SLC12A3: variants seen among roughly 807,000 people sequenced by gnomAD.
SLC12A3 encodes the protein Na-Cl cotransporter.
SLC12A3 carries 104 observed loss-of-function variants against 121.0 expected under a neutral mutation model. The ratio of observed to expected loss-of-function variants is 0.86; its 90% CI spans 0.73 to 1.01. SLC12A3 has a LOEUF of 1.01. SLC12A3 is among the 50% of genes least tolerant of loss of function. SLC12A3 has a pLI of 0.00. For synonymous variants in SLC12A3, 536 were observed against 533.4 expected, an observed-to-expected ratio of 1.00 and a Z score of -0.07; for missense variants, 1,328 against 1,356.3, an observed-to-expected ratio of 0.98 and a Z score of 0.33.
intron 18 of SLC12A3, among the ~76,000 whole-genome samples, chr16:56,889,056 A>T (rs546503953): frequency 1.3e-5 from 2 of 152,272 alleles, no homozygotes; most frequent in East Asian, 3.9e-4. Flanking sequence ...ACTCTTCATC[A>T]GTGCTTGCTG....
intron 8 of SLC12A3, among the ~76,000 whole-genome samples, chr16:56,875,765 G>T (rs2055157081): frequency 7.0e-6 from 1 of 143,412 alleles, no homozygotes; most frequent in African/African-American, 2.5e-5. Flanking sequence ...GGGCTGAGAT[G>T]TGGACCTGGA....
chr16:56,880,244 A>G lies in SLC12A3; in HGVS notation c.1558A>G (p.Ile520Val), dbSNP rs777531838. ...GGCCTACGCCATCGCTGTGGCCTTCATCATCATCGGTAAGGCTCTGCCAGG... is the reference window on the plus strand; with the variant it reads ...GGCCTACGCCATCGCTGTGGCCTTCGTCATCATCGGTAAGGCTCTGCCAGG... ...LLAYAIAVAF[I>V]IIAELNTIAP... Residue 520 changes from isoleucine to valine, a missense_variant, in exon 12 of 26, where the codon ATC (isoleucine) becomes GTC (valine). Transcript: ENST00000563236. The G allele has an allele frequency of 1.9e-6, 3 of 1,581,074 alleles. No individual in the cohort carries two copies. Among genetic ancestry groups the G allele is most frequent in the Non-Finnish European group, 2.6e-6 (3 of 1,162,992 alleles).
intron 24 of SLC12A3, among the ~76,000 whole-genome samples, chr16:56,903,832 G>A (rs1389292515): frequency 6.6e-6 from 1 of 152,176 alleles, no homozygotes; most frequent in Non-Finnish European, 1.5e-5. Context: ...CAGCCATCTG[G>A]CTCTTTGGAA....
chr16:56,873,804 C>T (rs540559884), intron 8 of SLC12A3, among the ~76,000 whole-genome samples: 194 of 151,916 alleles, frequency 1.3e-3, no homozygotes, highest in Non-Finnish European at 2.4e-3. Context: ...CTCCGCCTCC[C>T]GGGTTCAAGT....
intron 3 of SLC12A3, among the ~76,000 whole-genome samples, chr16:56,869,210 T>G (rs1399140887): frequency 6.6e-6 from 1 of 152,158 alleles, no homozygotes; most frequent in African/African-American, 2.4e-5. Flanking sequence ...CACGGAGTGG[T>G]AACTGCTACT....
At chr16:56,890,636 C>G (rs757918934) in intron 19 of SLC12A3, among the ~76,000 whole-genome samples, 1 of 152,162 alleles carries the variant, frequency 6.6e-6, no homozygotes, top group South Asian at 2.1e-4. Context: ...TGGTGGCTCA[C>G]GCCTGTAATC....
chr16:56,913,376 G>A lies in SLC12A3; in HGVS notation c.3037G>A (p.Glu1013Lys), dbSNP rs2055712636. The A allele has an allele frequency of 6.2e-7, 1 of 1,614,198 alleles. No homozygotes were observed. The highest frequency in any genetic ancestry group is 1.7e-5 in the Admixed American group (1 of 60,030). The stretch of plus-strand genomic sequence containing the variant: ...AGTCATCCTGATCCGAGGAAACCAG[G>A]AAAACGTGCTCACCTTTTACTGCCA... ...PPVILIRGNQENVLTFYCQ is the reference protein window; with the variant it reads ...PPVILIRGNQKNVLTFYCQ The change falls in exon 26 of 26, where the codon GAA becomes AAA. Residue 1013 changes from glutamate (E) to lysine (K), a missense_variant. Glu to Lys is a moderately conservative substitution (Grantham distance 56). Transcript: ENST00000563236.
chr16:56,870,517 A>G lies in SLC12A3; in HGVS notation c.742-109A>G, dbSNP rs1596892031. The G allele has an allele frequency of 2.5e-5, 21 of 827,888 alleles. No individual in the cohort carries two copies. In the South Asian group the frequency reaches 2.8e-4, roughly 11 times the overall value. The allele number at this position is 827,888 out of a possible 1,614,324, so 51.3% of individuals were successfully genotyped here. On this transcript the variant is annotated intron_variant, in intron 5 of 25. Transcript: ENST00000563236. The stretch of plus-strand genomic sequence containing the variant: ...TGGCAGGGGTGGTGCTTGAGTTAAC[A>G]TCGTCCTAGCAGAGTGCACCGCACA...
chr16:56,872,634 T>G, intron 7 of SLC12A3, 22 bp from the exon 8 acceptor site: 1 of 1,614,224 alleles, frequency 6.2e-7, no homozygotes, highest in Non-Finnish European at 8.5e-7. Context: ...TGAGCCTTAC[T>G]CATCAGGCCT....
chr16:56,893,536 G>A (rs1309654520), intron 21 of SLC12A3, among the ~76,000 whole-genome samples: 1 of 152,172 alleles, frequency 6.6e-6, no homozygotes, highest in Non-Finnish European at 1.5e-5. Context: ...CTGGCTGACA[G>A]GGAATTCCCT....
intron 8 of SLC12A3, 143 bp downstream of exon 8, chr16:56,872,929 C>G (rs1056536308): frequency 8.8e-6 from 9 of 1,023,734 alleles, no homozygotes; most frequent in Non-Finnish European, 1.3e-5. Flanking sequence ...CAGCTCAGTT[C>G]AACCCAATCC....
At chr16:56,883,240 C>T (rs2055264179) in intron 13 of SLC12A3, among the ~76,000 whole-genome samples, 1 of 150,782 alleles carries the variant, frequency 6.6e-6, no homozygotes, top group South Asian at 2.1e-4. Context: ...AAACTTCTGG[C>T]AGATGGCAAT....
At chr16:56,905,621 A>G (rs28651544) in intron 25 of SLC12A3, among the ~76,000 whole-genome samples, 5,419 of 152,198 alleles carry the variant, frequency 0.036, 345 homozygotes, top group African/African-American at 0.12. Flanking sequence ...AGCCAGGACC[A>G]ACTACACAAT....
intron 17 of SLC12A3, 26 bp from the exon 18 acceptor site, chr16:56,887,899 C>A (rs2055339934): frequency 1.9e-6 from 3 of 1,584,200 alleles, no homozygotes; most frequent in Non-Finnish European, 2.6e-6. Context: ...TGATGGGTTC[C>A]CCATCTCACC....
Position 56,886,394 on chromosome 16 carries a change from C to A in SLC12A3, c.1956C>A (p.Pro652=), listed in dbSNP as rs200091201. 173 of 1,614,018 alleles carry A rather than the reference C, an allele frequency of 1.1e-4. No homozygotes were observed. The highest frequency in any genetic ancestry group is 1.4e-4 in the Non-Finnish European group (171 of 1,180,048). ...AGTGCCTGGTGCTCACGGGGCCCCC[C>A]AACTTCCGCCCGGCCCTGGTGGACT... ...RPQCLVLTGP[P]NFRPALVDFV... is the part of the protein sequence containing the mutation. Residue 652 remains proline (P), a synonymous_variant, in exon 16 of 26, where the codon CCC becomes CCA. Coordinates refer to ENST00000563236, the MANE Select transcript of SLC12A3 (RefSeq NM_001126108.2).
intron 18 of SLC12A3, among the ~76,000 whole-genome samples, chr16:56,888,549 ATTTTTTTTT>A (rs749206626): frequency 5.1e-4 from 44 of 85,920 alleles, no homozygotes; most frequent in African/African-American, 1.1e-3. Context: ...AGATCTTTTA[ATTTTTTTTT>A]TTTTTTTTTT....
rs2055181436 is a variant in SLC12A3, at chr16:56,877,738, C to T, written c.1096-339C>T. Among the ~76,000 whole-genome samples, 5 of 152,236 alleles carry T rather than the reference C, an allele frequency of 3.3e-5. No homozygotes were observed. The South Asian group carries it at 1.0e-3, about 31-fold the overall frequency. ...CACCACCCTGCCCCCACCCTTACCA[C>T]CCTCACAGCAAACCCTGGCCAAGTG... On this transcript the variant is annotated intron_variant, in intron 8 of 25. Coordinates refer to ENST00000563236, the MANE Select transcript of SLC12A3 (RefSeq NM_001126108.2).
chr16:56,866,741 G>T (rs767816029), intron 1 of SLC12A3, among the ~76,000 whole-genome samples: 6 of 152,156 alleles, frequency 3.9e-5, no homozygotes, highest in Non-Finnish European at 8.8e-5. Flanking sequence ...TGAGTAGCTG[G>T]GACCACAGGT....
intron 21 of SLC12A3, 45 bp from the exon 22 acceptor site, chr16:56,894,486 C>A (rs778070375): frequency 7.2e-7 from 1 of 1,389,508 alleles, no homozygotes; most frequent in Non-Finnish European, 1.0e-6. Flanking sequence ...AGTGCTCTGT[C>A]CTGAGTGTAT....
Sources: gnomAD v4.1 joint callset for allele counts (sites outside exome capture counted in the v4.1 genomes callset) on GRCh38, gnomAD v4.1.1 for gene constraint, MANE v1.5 for transcripts, NCBI Gene and HGNC (gene_info 2026-07-23, HGNC 2026-07-21) for gene names.